ANKFN1: variants seen among roughly 807,000 people sequenced by gnomAD.
ANKFN1 encodes ankyrin repeat and fibronectin type III domain containing 1.
A neutral mutation model predicts 108.7 loss-of-function variants in ANKFN1; 74 were observed. The ratio of observed to expected loss-of-function variants is 0.68; its 90% CI spans 0.56 to 0.83. The LOEUF is 0.83. Ranked by LOEUF, ANKFN1 falls within the 40% of genes least tolerant of loss-of-function variation. The pLI is 0.00. For synonymous variants in ANKFN1, 547 were observed against 516.2 expected (o/e 1.06, Z -0.81); for missense variants, 1,505 against 1,382.3 (o/e 1.09, Z -1.41).
intron 10 of ANKFN1, among the ~76,000 whole-genome samples, chr17:56,447,416 T>C (rs747055816): frequency 6.6e-6 from 1 of 151,906 alleles, no homozygotes; most frequent in African/African-American, 2.4e-5. Flanking sequence ...TGACCTTCCT[T>C]CCCAAGAGAA....
At chr17:56,154,716 A>T (rs1908934194) in intron 1 of ANKFN1, among the ~76,000 whole-genome samples, 1 of 151,948 alleles carries the variant, frequency 6.6e-6, no homozygotes, top group African/African-American at 2.4e-5. Flanking sequence ...GACAGGAACT[A>T]TACAGTTTTC....
At chr17:56,285,835 A>AATG (rs57493010) in intron 3 of ANKFN1, among the ~76,000 whole-genome samples, 2,603 of 150,244 alleles carry the variant, frequency 0.017, 47 homozygotes, top group Non-Finnish European at 0.016. Context: ...CCTGTCAGAC[A>AATG]ATGATGATGA....
chr17:56,449,704 A>C (rs1342130484), intron 11 of ANKFN1, among the ~76,000 whole-genome samples: 1 of 152,186 alleles, frequency 6.6e-6, no homozygotes, highest in Non-Finnish European at 1.5e-5. Flanking sequence ...GGTGTTCCCC[A>C]AGGTCACAAT....
intron 3 of ANKFN1, among the ~76,000 whole-genome samples, chr17:56,231,584 A>G (rs1259336137): frequency 6.6e-6 from 1 of 152,162 alleles, no homozygotes; most frequent in Non-Finnish European, 1.5e-5. Flanking sequence ...TTATATCAAA[A>G]CAGTCCTCTG....
At chr17:56,368,218 T>G (rs2046710448) in intron 6 of ANKFN1, 7 of 1,265,378 alleles carry the variant, frequency 5.5e-6, no homozygotes, top group Middle Eastern at 2.1e-4. Flanking sequence ...AGTCTGAAAT[T>G]TTTTTATCAA....
chr17:56,087,394 T>C (rs1656347905), intron 4 of ANKFN1, among the ~76,000 whole-genome samples: 1 of 151,392 alleles, frequency 6.6e-6, no homozygotes, highest in Admixed American at 6.6e-5. Context: ...TGGAACCCAC[T>C]ATGTCCTTTC....
Position 56,456,957 on chromosome 17 carries a change from A to G in ANKFN1, c.1304A>G (p.Lys435Arg). 1 of 1,613,190 alleles carries G rather than the reference A, an allele frequency of 6.2e-7. No homozygotes were observed. Among genetic ancestry groups the G allele is most frequent in the Non-Finnish European group, 8.5e-7 (1 of 1,179,116 alleles). The change falls in exon 12 of 21, where the codon AAA becomes AGA. Residue 435 changes from lysine (K) to arginine (R), a missense_variant. Lys to Arg is a conservative substitution (Grantham distance 26). Transcript: ENST00000682825. ...TCGAACAAGTTTGTGAAGACCTTAA[A>G]ACGGTGGGTTCTATGTAGTTTTTTC... ...HSSNKFVKTLKRGLYIAVIFY... is the reference protein window; with the variant it reads ...HSSNKFVKTLRRGLYIAVIFY...
intron 4 of ANKFN1, among the ~76,000 whole-genome samples, chr17:56,341,211 T>G (rs548519781): frequency 6.6e-6 from 1 of 152,118 alleles, no homozygotes; most frequent in East Asian, 1.9e-4. Context: ...GGGCTGAGAC[T>G]GTGGGATTTT....
Position 56,082,052 on chromosome 17 carries a change from A to T in ANKFN1, c.288+35727A>T, listed in dbSNP as rs550528653. ...TATTATTTTACAGAGGCAGTGTGAC[A>T]ACTGCCTGACCATCACTTGATGGGC... On this transcript the variant is annotated intron_variant, in intron 4 of 12. Transcript: ENST00000635860. Among the ~76,000 whole-genome samples the T allele has an allele frequency of 2.6e-5, 4 of 152,302 alleles. No individual in the cohort carries two copies. In the South Asian group the frequency reaches 8.3e-4, roughly 32 times the overall value.
chr17:56,466,602 T>A, intron 15 of ANKFN1, 31 bp downstream of exon 15: 1 of 1,540,054 alleles, frequency 6.5e-7, no homozygotes, highest in Non-Finnish European at 8.8e-7. Flanking sequence ...TTCCCGGGTA[T>A]ACTTAAGGTT....
chr17:56,295,082 A>G (rs1443968953), intron 3 of ANKFN1, among the ~76,000 whole-genome samples: 1 of 152,252 alleles, frequency 6.6e-6, no homozygotes, highest in Non-Finnish European at 1.5e-5. Context: ...GTGTTAAGCC[A>G]GCCTATTGGA....
At chr17:56,333,136 C>A (rs1421971523) in intron 4 of ANKFN1, among the ~76,000 whole-genome samples, 1 of 151,870 alleles carries the variant, frequency 6.6e-6, no homozygotes, top group Non-Finnish European at 1.5e-5. Flanking sequence ...TCATTTCTTT[C>A]TTTCCAATAT....
intron 4 of ANKFN1, 67 bp downstream of exon 4, chr17:56,326,422 T>G: frequency 1.3e-6 from 2 of 1,543,316 alleles, no homozygotes; most frequent in Non-Finnish European, 8.7e-7. Context: ...TGATTATTTT[T>G]AAATGTGTAT....
intron 2 of ANKFN1, among the ~76,000 whole-genome samples, chr17:56,227,572 C>T (rs368714841): frequency 7.2e-4 from 110 of 152,192 alleles, no homozygotes; most frequent in African/African-American, 2.4e-3. Context: ...GAATGATGAG[C>T]GTCTAAGCCA....
At chr17:56,143,752 GA>G (rs547864828) in intron 4 of ANKFN1, among the ~76,000 whole-genome samples, 7 of 152,158 alleles carry the variant, frequency 4.6e-5, no homozygotes, top group Non-Finnish European at 1.0e-4. Context: ...ATGTGACACA[GA>G]GACACAAGGA....
chr17:56,343,160 C>T (rs543438012), intron 4 of ANKFN1, among the ~76,000 whole-genome samples: 1 of 151,782 alleles, frequency 6.6e-6, no homozygotes, highest in African/African-American at 2.4e-5. Flanking sequence ...GGTAGCTTTT[C>T]CTCATCCCTT....
chr17:56,180,005 T>C (rs186790003), intron 1 of ANKFN1, among the ~76,000 whole-genome samples: 2 of 152,314 alleles, frequency 1.3e-5, no homozygotes, highest in African/African-American at 4.8e-5. Context: ...TATGACTGAA[T>C]ACTCGTATGT....
At chr17:56,048,282 T>C (rs1356733495) in intron 4 of ANKFN1, among the ~76,000 whole-genome samples, 3 of 152,180 alleles carry the variant, frequency 2.0e-5, no homozygotes, top group African/African-American at 7.2e-5. Flanking sequence ...CTTATGAATA[T>C]TTCTGTGCCC....
intron 6 of ANKFN1, among the ~76,000 whole-genome samples, chr17:56,358,298 A>G (rs1470335417): frequency 6.6e-6 from 1 of 152,128 alleles, no homozygotes; most frequent in East Asian, 1.9e-4. Context: ...CCATTTCTTA[A>G]CAGGAATCAC....
Sources: gnomAD v4.1 joint callset for allele counts (sites outside exome capture counted in the v4.1 genomes callset) on GRCh38, gnomAD v4.1.1 for gene constraint, MANE v1.5 for transcripts, NCBI Gene and HGNC (gene_info 2026-07-23, HGNC 2026-07-21) for gene names.